CYTH1: variants seen among roughly 807,000 people sequenced by gnomAD.
The protein encoded by CYTH1 is cytohesin 1.
Under a neutral mutation model 61.8 loss-of-function variants are expected in CYTH1, and 18 were observed. That is an observed-to-expected ratio of 0.29 (90% CI 0.20 to 0.43). CYTH1 has a LOEUF of 0.43. Among genes scored for constraint, CYTH1 ranks in the 20% least tolerant of loss-of-function variants. The pLI, the probability that CYTH1 is intolerant of heterozygous loss-of-function variation, is 1.00. For synonymous variants in CYTH1, 174 were observed against 184.3 expected (o/e 0.94, Z 0.45); for missense variants, 336 against 510.5 (o/e 0.66, Z 3.29).
chr17:78,769,769 C>T (rs1190951841), intron 1 of CYTH1, among the ~76,000 whole-genome samples: 1 of 152,200 alleles, frequency 6.6e-6, no homozygotes, highest in Non-Finnish European at 1.5e-5. Flanking sequence ...GTAATTCTGA[C>T]ACTTTGGGAG....
chr17:78,683,586 A>C (rs2144054340), intron 11 of CYTH1, among the ~76,000 whole-genome samples: 1 of 152,142 alleles, frequency 6.6e-6, no homozygotes, highest in South Asian at 2.1e-4. Flanking sequence ...GGGGTGGGAG[A>C]AGTCCTCAGC....
chr17:78,711,129 G>T (rs576656237), intron 1 of CYTH1, among the ~76,000 whole-genome samples: 2 of 151,964 alleles, frequency 1.3e-5, no homozygotes, highest in South Asian at 2.1e-4. Flanking sequence ...GGGCGTGGTG[G>T]CAGGTGCCTG....
intron 1 of CYTH1, among the ~76,000 whole-genome samples, chr17:78,777,912 C>G (rs1457155645): frequency 6.6e-6 from 1 of 151,892 alleles, no homozygotes; most frequent in Non-Finnish European, 1.5e-5. Context: ...ACTTACGCAG[C>G]AGGGACAGGG....
intron 13 of CYTH1, among the ~76,000 whole-genome samples, chr17:78,679,766 C>T (rs1212763230): frequency 6.6e-6 from 1 of 152,212 alleles, no homozygotes; most frequent in Non-Finnish European, 1.5e-5. Context: ...TTCTTAACCT[C>T]TATGGGCCTC....
intron 12 of CYTH1, 150 bp from the exon 13 acceptor site, chr17:78,680,494 C>T (rs1436362010): frequency 1.9e-5 from 18 of 958,644 alleles, no homozygotes; most frequent in Admixed American, 6.1e-5. Flanking sequence ...AGCCTAGAAG[C>T]GGAATTCTAG....
intron 1 of CYTH1, among the ~76,000 whole-genome samples, chr17:78,769,333 ACCATTTGTAGCTCC>A (rs1298549990): frequency 4.0e-5 from 6 of 151,678 alleles, no homozygotes; most frequent in African/African-American, 2.4e-5. Context: ...GGCACAAAGA[ACCATTTGTAGCTCC>A]CCAAGTGGCG....
chr17:78,721,973 G>C (rs1427100896), intron 1 of CYTH1, among the ~76,000 whole-genome samples: 2 of 152,102 alleles, frequency 1.3e-5, no homozygotes, highest in Non-Finnish European at 2.9e-5. Flanking sequence ...CTTGAACCTG[G>C]GAGGCGGAGG....
intron 1 of CYTH1, among the ~76,000 whole-genome samples, chr17:78,755,960 A>G (rs540409683): frequency 5.3e-5 from 8 of 151,820 alleles, no homozygotes; most frequent in African/African-American, 1.9e-4. Flanking sequence ...AGGGCCATGA[A>G]GCATCTTTTT....
chr17:78,730,172 A>G (rs140610134), intron 1 of CYTH1, among the ~76,000 whole-genome samples: 117 of 152,104 alleles, frequency 7.7e-4, no homozygotes, highest in African/African-American at 2.6e-3. Context: ...CAGAATCCCA[A>G]TTCTTCACAG....
intron 1 of CYTH1, among the ~76,000 whole-genome samples, chr17:78,756,682 CTTTA>C (rs2093402551): frequency 6.6e-6 from 1 of 152,146 alleles, no homozygotes; most frequent in Non-Finnish European, 1.5e-5. Flanking sequence ...CTTCAAAAGT[CTTTA>C]ACACATTTTG....
chr17:78,766,241 A>G (rs2093448316), intron 1 of CYTH1, among the ~76,000 whole-genome samples: 1 of 152,170 alleles, frequency 6.6e-6, no homozygotes, highest in Non-Finnish European at 1.5e-5. Flanking sequence ...CTGTTAAATG[A>G]GTTCTTTCAG....
chr17:78,692,286 A>T, intron 11 of CYTH1, 131 bp downstream of exon 11: 1 of 941,204 alleles, frequency 1.1e-6, no homozygotes, highest in Non-Finnish European at 1.7e-6. Flanking sequence ...CACTTTGCTT[A>T]AACTCTCCCC....
At chr17:78,689,951 C>T (rs1431518032) in intron 11 of CYTH1, among the ~76,000 whole-genome samples, 1 of 151,968 alleles carries the variant, frequency 6.6e-6, no homozygotes, top group Non-Finnish European at 1.5e-5. Flanking sequence ...ACTGCTGCCC[C>T]TGCCACCGCT....
intron 11 of CYTH1, 138 bp downstream of exon 11, chr17:78,692,279 T>C: frequency 1.1e-6 from 1 of 887,682 alleles, no homozygotes; most frequent in Non-Finnish European, 1.8e-6. Flanking sequence ...GTTCTTGCAC[T>C]TTGCTTAAAC....
chr17:78,758,798 A>G (rs543025774), intron 1 of CYTH1, among the ~76,000 whole-genome samples: 18 of 152,298 alleles, frequency 1.2e-4, no homozygotes, highest in African/African-American at 3.4e-4. Flanking sequence ...GGCAAACCCA[A>G]TTCATGCATA....
chr17:78,777,088 G>A (rs1468523286), intron 1 of CYTH1, among the ~76,000 whole-genome samples: 6 of 150,800 alleles, frequency 4.0e-5, no homozygotes, highest in African/African-American at 1.5e-4. Context: ...TCGCCCCATT[G>A]CACTCTAGCC....
chr17:78,679,884 G>A (rs933207595), intron 13 of CYTH1, among the ~76,000 whole-genome samples: 4 of 152,204 alleles, frequency 2.6e-5, no homozygotes, highest in Non-Finnish European at 2.9e-5. Context: ...GAGCGGCTTC[G>A]TCAGACACAG....
intron 1 of CYTH1, among the ~76,000 whole-genome samples, chr17:78,720,635 G>A (rs2093220026): frequency 6.6e-6 from 1 of 152,224 alleles, no homozygotes; most frequent in Non-Finnish European, 1.5e-5. Context: ...AGCACTTTGA[G>A]AGGCTGAGGG....
chr17:78,732,469 G>A (rs2093299947), intron 1 of CYTH1, among the ~76,000 whole-genome samples: 2 of 152,172 alleles, frequency 1.3e-5, no homozygotes, highest in Admixed American at 6.5e-5. Context: ...GTGTAATACC[G>A]TGAGCATTCA....
Sources: gnomAD v4.1 joint callset for allele counts (sites outside exome capture counted in the v4.1 genomes callset) on GRCh38, gnomAD v4.1.1 for gene constraint, MANE v1.5 for transcripts, NCBI Gene and HGNC (gene_info 2026-07-23, HGNC 2026-07-21) for gene names.